Variants in TRPC6 observed in about 807,000 individuals in gnomAD.
TRPC6 encodes transient receptor potential cation channel subfamily C member 6.
Under a neutral mutation model 90.7 loss-of-function variants are expected in TRPC6, and 55 were observed. That is an observed-to-expected ratio of 0.61 (90% CI 0.49 to 0.76). TRPC6 has a LOEUF of 0.76. Ranked by LOEUF, TRPC6 falls within the 30% of genes least tolerant of loss-of-function variation. TRPC6 has a pLI of 0.00. For synonymous variants in TRPC6, 393 were observed against 393.0 expected (o/e 1.00, Z 0.00); for missense variants, 989 against 1,122.7 (o/e 0.88, Z 1.70).
chr11:101,480,332 C>A lies in TRPC6; in HGVS notation c.1510+2617G>T, dbSNP rs7115010. Among the ~76,000 whole-genome samples, 1,341 of 152,062 alleles carry A rather than the reference C, an allele frequency of 8.8e-3. 10 individuals are homozygous for A. Among genetic ancestry groups the A allele is most frequent in the African/African-American group, 0.031 (1,277 of 41,466 alleles). On this transcript the variant is annotated intron_variant, in intron 5 of 12. Transcript: ENST00000344327. ...AGCTTTTCATTCCTCCAGTTCCAGG[C>A]GTGATATTCCTTCTATATTCTCCCT...
intron 1 of TRPC6, among the ~76,000 whole-genome samples, chr11:101,546,319 G>A (rs1276884292): frequency 7.1e-6 from 1 of 140,378 alleles, no homozygotes; most frequent in African/African-American, 2.7e-5. Context: ...TGATCCACCC[G>A]CCTCGGCCTC....
At position 101,576,041 on chromosome 11, in the gene TRPC6, G is replaced by A. The variant is rs11224878; in HGVS notation, c.170+7293C>T. Among the ~76,000 whole-genome samples, 5 of 152,108 alleles carry A rather than the reference G, an allele frequency of 3.3e-5. 1 individual carries two copies. The South Asian group carries it at 1.0e-3, about 32-fold the overall frequency. ...TACTGAGAGAATCTGCCAGCCCCAT[G>A]GTCCACGTGTTCCAGCCCCAAATAT... On this transcript the variant is annotated intron_variant, in intron 1 of 12. Coordinates refer to ENST00000344327, the MANE Select transcript of TRPC6 (RefSeq NM_004621.6).
intron 2 of TRPC6, among the ~76,000 whole-genome samples, chr11:101,501,358 ACTTC>A (rs1465961566): frequency 6.6e-6 from 1 of 152,030 alleles, no homozygotes; most frequent in Non-Finnish European, 1.5e-5. Flanking sequence ...GATTTTTTAA[ACTTC>A]CTTCATTTTT....
chr11:101,500,606 T>C (rs189976727), intron 2 of TRPC6, among the ~76,000 whole-genome samples: 68 of 152,300 alleles, frequency 4.5e-4, no homozygotes, highest in Non-Finnish European at 9.0e-4. Context: ...GTATTTTCAA[T>C]ATCCAGAGCC....
chr11:101,583,423 C>T lies in TRPC6; in HGVS notation c.81G>A (p.Glu27=). 1 of 1,564,372 alleles carries T rather than the reference C, an allele frequency of 6.4e-7. No homozygotes were observed. The highest frequency in any genetic ancestry group is 8.7e-7 in the Non-Finnish European group (1 of 1,154,608). Residue 27 remains glutamate (E), a synonymous_variant, in exon 1 of 13, where the codon GAG becomes GAA. Transcript: ENST00000344327. ...AGTCCATGAGCAGATAGTCCTGGCTCTCGTTGCGCCGCGCAGCGGCTCCGG... is the reference window on the plus strand; with the variant it reads ...AGTCCATGAGCAGATAGTCCTGGCTTTCGTTGCGCCGCGCAGCGGCTCCGG... The part of the protein sequence containing the change: ...GAAGAAARRN[E]SQDYLLMDSE...
chr11:101,540,993 A>C (rs1215034145), intron 1 of TRPC6, among the ~76,000 whole-genome samples: 1 of 152,218 alleles, frequency 6.6e-6, no homozygotes, highest in Non-Finnish European at 1.5e-5. Context: ...TGCATAGGAG[A>C]AACAAAATCA....
At chr11:101,499,127 A>G (rs1860025954) in intron 2 of TRPC6, among the ~76,000 whole-genome samples, 1 of 152,230 alleles carries the variant, frequency 6.6e-6, no homozygotes, top group African/African-American at 2.4e-5. Context: ...GAAAAAGTTA[A>G]GCAAAGACAG....
chr11:101,507,658 TGG>T (rs1860305958), intron 1 of TRPC6, among the ~76,000 whole-genome samples: 1 of 152,170 alleles, frequency 6.6e-6, no homozygotes, highest in African/African-American at 2.4e-5. Flanking sequence ...AGGATAATTT[TGG>T]AGGCCTTGCT....
At chr11:101,583,165 C>T in intron 1 of TRPC6, 169 bp downstream of exon 1, 2 of 985,308 alleles carry the variant, frequency 2.0e-6, no homozygotes, top group African/African-American at 3.5e-5. Context: ...CCGCGCGCCC[C>T]TCCACTCACT....
At chr11:101,503,988 T>C in intron 2 of TRPC6, 36 bp downstream of exon 2, 1 of 1,613,728 alleles carries the variant, frequency 6.2e-7, no homozygotes, top group Non-Finnish European at 8.5e-7. Context: ...TGACTCTGGC[T>C]TGTGGAGGGT....
chr11:101,563,967 A>C (rs576545850), intron 1 of TRPC6, among the ~76,000 whole-genome samples: 1 of 152,304 alleles, frequency 6.6e-6, no homozygotes, highest in African/African-American at 2.4e-5. Context: ...GAAGCTACAG[A>C]AACAGAATGT....
intron 11 of TRPC6, 25 bp downstream of exon 11, chr11:101,454,993 T>C (rs772598558): frequency 1.9e-6 from 3 of 1,576,288 alleles, no homozygotes; most frequent in Admixed American, 1.7e-5. Context: ...TAACTAGTTT[T>C]ATTCCTTTAA....
intron 10 of TRPC6, among the ~76,000 whole-genome samples, chr11:101,460,220 C>T (rs145475587): frequency 6.6e-6 from 1 of 152,240 alleles, no homozygotes; most frequent in East Asian, 1.9e-4. Context: ...GAAGTCAGTA[C>T]ATGTACCCCT....
rs1430089215 is a variant in TRPC6 at position 101,499,600 on chromosome 11, ATATATGG to A, written c.945+4417_945+4423del. 7.2e-4 allele frequency among the ~76,000 whole-genome samples: 91 copies of A among 127,156 alleles called. 1 individual carries two copies. Among genetic ancestry groups the A allele is most frequent in the African/African-American group, 1.6e-3 (55 of 33,414 alleles). 83.4% of individuals were successfully genotyped at this position (127,156 alleles called of 152,430 possible). A position where few individuals can be genotyped will look rare whatever the true frequency, so the allele number is the denominator to read the frequency against. ...TGTATATATACGTATATATATACGT[ATATATGG>A]TATATATATATACACACACAATATA... On this transcript the variant is annotated intron_variant, in intron 2 of 12. Coordinates refer to ENST00000344327, the MANE Select transcript of TRPC6 (RefSeq NM_004621.6).
intron 1 of TRPC6, among the ~76,000 whole-genome samples, chr11:101,545,446 T>C (rs1591125586): frequency 6.6e-6 from 1 of 152,178 alleles, no homozygotes; most frequent in Non-Finnish European, 1.5e-5. Flanking sequence ...CCCCTATGGA[T>C]AGTAAGGAAC....
intron 5 of TRPC6, among the ~76,000 whole-genome samples, chr11:101,479,919 C>A (rs532258980): frequency 1.3e-5 from 2 of 152,172 alleles, no homozygotes; most frequent in Non-Finnish European, 2.9e-5. Flanking sequence ...TGGCTCACGC[C>A]TGTAATCCCA....
Position 101,504,358 on chromosome 11 carries a change from T to C in TRPC6, c.611A>G (p.Asp204Gly). 6.2e-7 allele frequency: 1 copy of C among 1,614,086 alleles called. No homozygotes were observed. Among genetic ancestry groups the C allele is most frequent in the Non-Finnish European group, 8.5e-7 (1 of 1,179,982 alleles). Residue 204 changes from aspartate to glycine, a missense_variant, in exon 2 of 13, where the codon GAT (aspartate) becomes GGT (glycine). Transcript: ENST00000344327. ...TSPSQSELQQ[D>G]DFYAYDEDGT... Reference sequence around the variant, plus strand: ...ATCTTCATCATAGGCATAAAAATCATCTTGCTGGAGTTCAGACTGGCTAGG... The same window carrying C: ...ATCTTCATCATAGGCATAAAAATCACCTTGCTGGAGTTCAGACTGGCTAGG...
chr11:101,583,507 G>C lies in TRPC6; in HGVS notation c.-4C>G. 6.8e-7 allele frequency: 1 copy of C among 1,474,056 alleles called. No individual in the cohort carries two copies. The highest frequency in any genetic ancestry group is 9.0e-7 in the Non-Finnish European group (1 of 1,113,762). The allele number at this position is 1,474,056 out of a possible 1,614,324, so 91.3% of individuals were successfully genotyped here. A position where few individuals can be genotyped will look rare whatever the true frequency, so the allele number is the denominator to read the frequency against. ...CGAACGCCGGGCTCTGGCTCATGGC[G>C]GGAACGCCCGACTGGCCTGGGCCCC... On this transcript the variant is annotated 5_prime_UTR_variant, in exon 1 of 13. Coordinates refer to ENST00000344327, the MANE Select transcript of TRPC6 (RefSeq NM_004621.6).
At chr11:101,521,852 A>G (rs1388789467) in intron 1 of TRPC6, among the ~76,000 whole-genome samples, 2 of 152,228 alleles carry the variant, frequency 1.3e-5, no homozygotes, top group African/African-American at 4.8e-5. Context: ...TCAGACTTGT[A>G]CAGGGCCTGT....
Sources: gnomAD v4.1 joint callset for allele counts (sites outside exome capture counted in the v4.1 genomes callset) on GRCh38, gnomAD v4.1.1 for gene constraint, MANE v1.5 for transcripts, NCBI Gene and HGNC (gene_info 2026-07-23, HGNC 2026-07-21) for gene names.